NAALADL2: variants seen among roughly 807,000 people sequenced by gnomAD.
The protein encoded by NAALADL2 is inactive N-acetylated-alpha-linked acidic dipeptidase-like protein 2.
NAALADL2 carries 76 observed loss-of-function variants against 87.2 expected under a neutral mutation model. The observed-to-expected ratio is 0.87, with a 90% CI of 0.72 to 1.05. NAALADL2 has a LOEUF of 1.05. NAALADL2 is among the 50% of genes least tolerant of loss of function. The pLI is 0.00. For synonymous variants in NAALADL2, 354 were observed against 331.0 expected (o/e 1.07, Z -0.75); for missense variants, 1,089 against 945.8 (o/e 1.15, Z -1.99).
At chr3:175,479,239 T>C (rs1467978068) in intron 9 of NAALADL2, among the ~76,000 whole-genome samples, 1 of 151,790 alleles carries the variant, frequency 6.6e-6, no homozygotes, top group Non-Finnish European at 1.5e-5. Context: ...ACAAAATAAT[T>C]TGATTCAATG....
intron 3 of NAALADL2, among the ~76,000 whole-genome samples, chr3:174,752,105 G>A (rs1734892080): frequency 6.6e-6 from 1 of 151,976 alleles, no homozygotes; most frequent in Admixed American, 6.6e-5. Flanking sequence ...AGCCTCTCGA[G>A]TAGCTGGGAC....
chr3:174,510,871 C>T (rs1415677332), intron 1 of NAALADL2, among the ~76,000 whole-genome samples: 1 of 151,774 alleles, frequency 6.6e-6, no homozygotes, highest in African/African-American at 2.4e-5. Flanking sequence ...GACTTAATTG[C>T]TTTCCATAAA....
chr3:174,853,628 C>T lies in NAALADL2; in HGVS notation c.-9+115882C>T, dbSNP rs192659717. ...CAGAATGAGAAAAAATATTTGGAAA[C>T]TATTCATCTGATGATTAATAATCAA... On this transcript the variant is annotated intron_variant, in intron 3 of 3. Coordinates refer to the NAALADL2 transcript ENST00000434257. Among the ~76,000 whole-genome samples, 549 of 151,992 alleles carry T rather than the reference C, an allele frequency of 3.6e-3. 3 individuals are homozygous for T. The highest frequency in any genetic ancestry group is 0.02 in the Middle Eastern group (6 of 294).
At chr3:175,239,875 A>G (rs970733863) in intron 3 of NAALADL2, among the ~76,000 whole-genome samples, 1 of 152,182 alleles carries the variant, frequency 6.6e-6, no homozygotes, top group Non-Finnish European at 1.5e-5. Flanking sequence ...GGAAGAAATG[A>G]TATAAACCAT....
intron 2 of NAALADL2, among the ~76,000 whole-genome samples, chr3:175,121,733 G>C (rs994645162): frequency 6.6e-6 from 1 of 151,814 alleles, no homozygotes; most frequent in Non-Finnish European, 1.5e-5. Flanking sequence ...ATTCCACAGA[G>C]CACAGAGCCA....
At chr3:175,254,729 T>C (rs1749632205) in intron 3 of NAALADL2, among the ~76,000 whole-genome samples, 1 of 152,198 alleles carries the variant, frequency 6.6e-6, no homozygotes, top group African/African-American at 2.4e-5. Context: ...TATGTGATCA[T>C]TTACTTAATC....
intron 1 of NAALADL2, among the ~76,000 whole-genome samples, chr3:174,985,947 C>T (rs9821147): frequency 0.093 from 14,043 of 151,108 alleles, 1,484 homozygotes; most frequent in African/African-American, 0.26. Flanking sequence ...AGCGAAACTC[C>T]GTCTCAAAAA....
chr3:174,948,687 G>A (rs114283497), intron 1 of NAALADL2, among the ~76,000 whole-genome samples: 4,038 of 152,118 alleles, frequency 0.027, 75 homozygotes, highest in Middle Eastern at 0.048. Flanking sequence ...TGATGTCAGG[G>A]GTCTCTTCTG....
chr3:174,757,492 CT>C (rs1454533397), intron 3 of NAALADL2, among the ~76,000 whole-genome samples: 2 of 151,604 alleles, frequency 1.3e-5, no homozygotes, highest in East Asian at 3.9e-4. Context: ...ATAGAGATAA[CT>C]TTTCTTTTTT....
intron 2 of NAALADL2, among the ~76,000 whole-genome samples, chr3:174,581,566 G>A (rs1716171565): frequency 1.3e-5 from 2 of 152,202 alleles, no homozygotes; most frequent in Admixed American, 6.5e-5. Context: ...AGAGAGAAAG[G>A]AGAATTGATA....
At chr3:174,628,374 G>A (rs1444110761) in intron 2 of NAALADL2, among the ~76,000 whole-genome samples, 1 of 151,348 alleles carries the variant, frequency 6.6e-6, no homozygotes, top group African/African-American at 2.4e-5. Context: ...CTACTTGGGA[G>A]GCTGAGGTGA....
chr3:175,213,300 A>T (rs1370230764), intron 2 of NAALADL2, among the ~76,000 whole-genome samples: 1 of 152,046 alleles, frequency 6.6e-6, no homozygotes, highest in South Asian at 2.1e-4. Flanking sequence ...ACTGAAAAAT[A>T]AGGTTTGGTC....
intron 1 of NAALADL2, among the ~76,000 whole-genome samples, chr3:174,888,592 G>T (rs1730489247): frequency 6.6e-6 from 1 of 152,188 alleles, no homozygotes; most frequent in African/African-American, 2.4e-5. Context: ...GTGACCCTAA[G>T]AGAGAGCCTG....
chr3:174,794,827 G>C (rs1224312812), intron 3 of NAALADL2, among the ~76,000 whole-genome samples: 2 of 151,672 alleles, frequency 1.3e-5, no homozygotes, highest in Non-Finnish European at 2.9e-5. Flanking sequence ...GTCTCCATTT[G>C]GTCATTTATT....
At chr3:175,656,611 A>G (rs1560925226) in intron 11 of NAALADL2, among the ~76,000 whole-genome samples, 1 of 152,148 alleles carries the variant, frequency 6.6e-6, no homozygotes, top group Non-Finnish European at 1.5e-5. Context: ...AAAAGATAAT[A>G]TCTATCTAGA....
At chr3:175,728,059 T>A (rs1743173952) in intron 11 of NAALADL2, among the ~76,000 whole-genome samples, 1 of 152,216 alleles carries the variant, frequency 6.6e-6, no homozygotes, top group African/African-American at 2.4e-5. Context: ...AAGACACTTT[T>A]ACTTTCAAGT....
chr3:174,798,771 A>G (rs753770715), intron 3 of NAALADL2, among the ~76,000 whole-genome samples: 3 of 152,126 alleles, frequency 2.0e-5, no homozygotes, highest in Non-Finnish European at 4.4e-5. Flanking sequence ...TTGATCTTGT[A>G]TTCTGCTACC....
chr3:175,085,495 C>T (rs1718704733), intron 1 of NAALADL2, among the ~76,000 whole-genome samples: 1 of 151,950 alleles, frequency 6.6e-6, no homozygotes, highest in South Asian at 2.1e-4. Flanking sequence ...TATGGGGGCT[C>T]TCAAGTGTTA....
intron 1 of NAALADL2, among the ~76,000 whole-genome samples, chr3:175,031,138 A>G (rs575522275): frequency 1.2e-4 from 18 of 152,116 alleles, no homozygotes; most frequent in African/African-American, 4.1e-4. Flanking sequence ...TTATATTTCA[A>G]CTTTAATTTT....
Sources: gnomAD v4.1 joint callset for allele counts (sites outside exome capture counted in the v4.1 genomes callset) on GRCh38, gnomAD v4.1.1 for gene constraint, MANE v1.5 for transcripts, NCBI Gene and HGNC (gene_info 2026-07-23, HGNC 2026-07-21) for gene names.